Variants in SEPTIN3 observed in about 807,000 individuals in gnomAD.
SEPTIN3 encodes the protein septin 3.
Under a neutral mutation model 45.1 loss-of-function variants are expected in SEPTIN3, and 15 were observed. The ratio of observed to expected loss-of-function variants is 0.33; its 90% confidence interval spans 0.22 to 0.51. SEPTIN3 has a LOEUF of 0.51. Among genes scored for constraint, SEPTIN3 ranks in the 20% least tolerant of loss-of-function variants. The pLI is 0.97. For missense variants in SEPTIN3, 289 were observed against 457.2 expected, an observed-to-expected ratio of 0.63 and a Z score of 3.35; for synonymous variants, 148 against 164.8, an observed-to-expected ratio of 0.90 and a Z score of 0.78.
chr22:41,995,235 A>T, intron 11 of SEPTIN3: 6 of 992,934 alleles, frequency 6.0e-6, no homozygotes, highest in Non-Finnish European at 7.2e-6. Flanking sequence ...GGAGTTCAGG[A>T]CAACCCTCCT....
chr22:41,994,693 T>C lies in SEPTIN3; in HGVS notation c.2484T>C (p.Asn828=), dbSNP rs763701595. Residue 828 remains asparagine, a synonymous_variant, in exon 11 of 12, where the codon AAT becomes AAC. Coordinates refer to ENST00000644076, the MANE Select transcript of SEPTIN3 (RefSeq NM_001363845.2). This position sits in a 1 kb window ranked among gnomAD's most constrained non-coding sequence, Gnocchi z 4.2. ...AGACTTACAGGGCCAAGCGGCTCAA[T>C]GACAATGGAGGCCTCCCTCCGGTGA... ...HYETYRAKRL[N]DNGGLPPGEG... 3.7e-6 allele frequency: 6 copies of C among 1,613,996 alleles called. No homozygotes were observed. The East Asian group carries it at 1.1e-4, about 30-fold the overall frequency.
chr22:41,981,616 C>T, intron 2 of SEPTIN3, 29 bp from the exon 3 acceptor site: 1 of 1,590,236 alleles, frequency 6.3e-7, no homozygotes, highest in Non-Finnish European at 8.6e-7. Context: ...CTGATCACCC[C>T]TCCGACCCCT....
At chr22:41,985,530 T>A (rs2078191586) in intron 3 of SEPTIN3, 1 of 161,780 alleles carries the variant, frequency 6.2e-6, no homozygotes, top group Admixed American at 6.0e-5. Flanking sequence ...ATAGTTCTGC[T>A]TCAGGATCCA....
chr22:41,995,067 G>C, intron 11 of SEPTIN3: 1 of 1,135,244 alleles, frequency 8.8e-7, no homozygotes, highest in Non-Finnish European at 1.1e-6. Flanking sequence ...AAACAAAGCT[G>C]TTTGCCTCAC....
intron 2 of SEPTIN3, 45 bp downstream of exon 2, chr22:41,973,041 G>T (rs145625166): frequency 7.5e-6 from 3 of 398,624 alleles, no homozygotes; most frequent in Non-Finnish European, 1.3e-5. Context: ...CTGCCGGGAG[G>T]GGGAGGTGTG....
At chr22:41,995,653 C>T in intron 11 of SEPTIN3, 2 of 985,422 alleles carry the variant, frequency 2.0e-6, no homozygotes, top group Non-Finnish European at 2.4e-6. Flanking sequence ...TTTAGACTGC[C>T]TTTCACATAA....
rs756123152 is a variant in SEPTIN3, at chr22:41,990,552, T to C, written c.2163+868T>C. On this transcript the variant is annotated intron_variant, in intron 7 of 11. Coordinates refer to ENST00000644076, the MANE Select transcript of SEPTIN3 (RefSeq NM_001363845.2). ...CGAAGTCAGGAGATCAAGACCATCC[T>C]GGCTAACACGGTGAAACCCCGTCTC... is the stretch of plus-strand genomic sequence containing the variant. Among the ~76,000 whole-genome samples, 12 of 141,528 alleles carry C rather than the reference T, an allele frequency of 8.5e-5. No homozygotes were observed. In the East Asian group the frequency reaches 1.4e-3, roughly 17 times the overall value. The allele number at this position is 141,528 out of a possible 152,430, so 92.8% of individuals were successfully genotyped here.
Position 41,989,025 on chromosome 22 carries a change from C to A in SEPTIN3, c.2046-542C>A, listed in dbSNP as rs2078256039. Among the ~76,000 whole-genome samples the A allele has an allele frequency of 2.7e-5, 4 of 149,530 alleles. No homozygotes were observed. The South Asian group carries it at 8.5e-4, about 32-fold the overall frequency. The stretch of plus-strand genomic sequence containing the variant: ...ACTGTGGTCCCAGCTCCTCTGGAGG[C>A]TGAGGTGGGAGGATTGCTTGAGCCC... On this transcript the variant is annotated intron_variant, in intron 6 of 11. Coordinates refer to ENST00000644076, the MANE Select transcript of SEPTIN3 (RefSeq NM_001363845.2).
rs1369503495 is a variant in SEPTIN3 at position 41,976,731 on chromosome 22, C to T, written c.1504+3735C>T. The T allele has an allele frequency of 6.6e-6, 1 of 152,304 alleles. No individual in the cohort carries two copies. The highest frequency in any genetic ancestry group is 2.4e-5 in the African/African-American group (1 of 41,340). The allele number at this position is 152,304 out of a possible 1,614,324, so 9.4% of individuals were successfully genotyped here. A position where few individuals can be genotyped will look rare whatever the true frequency, so the allele number is the denominator to read the frequency against. ...CAGTTCCCGCTTGCGGGCGCGGGCG[C>T]CGCGGGAAGGGGAGGGGCCCTCGGC... On this transcript the variant is annotated intron_variant, in intron 2 of 11. Coordinates refer to ENST00000644076, the MANE Select transcript of SEPTIN3 (RefSeq NM_001363845.2). This position sits in a 1 kb window ranked among gnomAD's most constrained non-coding sequence, Gnocchi z 5.8.
Position 41,976,994 on chromosome 22 carries a change from C to G in SEPTIN3, c.1504+3998C>G, listed in dbSNP as rs1166429779. The stretch of plus-strand genomic sequence containing the variant: ...AGGGGCCGCTCGGCCCGGGGAAGCC[C>G]GCGCCCCGCTCAGCCTTGCAGCCCC... On this transcript the variant is annotated intron_variant, in intron 2 of 11. Coordinates refer to ENST00000644076, the MANE Select transcript of SEPTIN3 (RefSeq NM_001363845.2). This position sits in a 1 kb window ranked among gnomAD's most constrained non-coding sequence, Gnocchi z 5.8. 1.9e-5 allele frequency: 29 copies of G among 1,533,546 alleles called. No individual in the cohort carries two copies. In the South Asian group the frequency reaches 3.1e-4, roughly 16 times the overall value. 95.0% of individuals were successfully genotyped at this position (1,533,546 alleles called of 1,614,324 possible).
intron 3 of SEPTIN3, among the ~76,000 whole-genome samples, chr22:41,983,350 T>C (rs2078152120): frequency 2.0e-5 from 3 of 152,242 alleles, no homozygotes; most frequent in South Asian, 4.1e-4. Flanking sequence ...TGGGCCCCTA[T>C]GGGCCACACT....
intron 2 of SEPTIN3, among the ~76,000 whole-genome samples, chr22:41,974,384 G>C (rs1195627832): frequency 6.6e-6 from 1 of 151,904 alleles, no homozygotes; most frequent in Non-Finnish European, 1.5e-5. Flanking sequence ...GCCTGGCCAG[G>C]CCAGGCGTGG....
At position 41,976,914 on chromosome 22, in the gene SEPTIN3, G is replaced by A. The variant is rs1248997855; in HGVS notation, c.1504+3918G>A. On this transcript the variant is annotated intron_variant, in intron 2 of 11. Coordinates refer to ENST00000644076, the MANE Select transcript of SEPTIN3 (RefSeq NM_001363845.2). The surrounding 1 kb of genome is among the most constrained non-coding windows in gnomAD (Gnocchi z 5.8). ...GCGCGGGGCGCAGGGGCGGCGCGGC[G>A]GGGCCGCGGGCCGGGCGGGTGGGAG... is the stretch of plus-strand genomic sequence containing the variant. 1 of 366,400 alleles carries A rather than the reference G, an allele frequency of 2.7e-6. No homozygotes were observed. Among genetic ancestry groups the A allele is most frequent in the East Asian group, 1.0e-4 (1 of 10,044 alleles). 22.7% of individuals were successfully genotyped at this position (366,400 alleles called of 1,614,324 possible). A position where few individuals can be genotyped will look rare whatever the true frequency, so the allele number is the denominator to read the frequency against.
Position 41,997,857 on chromosome 22 carries a change from G to A in SEPTIN3, c.*890G>A, listed in dbSNP as rs142823307. The A allele has an allele frequency of 6.5e-6, 1 of 152,734 alleles. No individual in the cohort carries two copies. The highest frequency in any genetic ancestry group is 1.5e-5 in the Non-Finnish European group (1 of 68,050). 9.5% of individuals were successfully genotyped at this position (152,734 alleles called of 1,614,324 possible). ...GGCTAATGGAAAATACCCAAGGGAGGGCAAAGCCCCCCATCAGATGCATGA... is the reference window on the plus strand; with the variant it reads ...GGCTAATGGAAAATACCCAAGGGAGAGCAAAGCCCCCCATCAGATGCATGA... On this transcript the variant is annotated 3_prime_UTR_variant, in exon 12 of 12. Transcript: ENST00000644076.
rs1334530501 is a variant in SEPTIN3 at position 41,987,201 on chromosome 22, C to T, written c.1826-5C>T. On this transcript the variant is annotated splice_polypyrimidine_tract_variant and splice_region_variant and intron_variant, in intron 4 of 11. Transcript: ENST00000644076. The stretch of plus-strand genomic sequence containing the variant: ...CTCTCTGGTACATTTTCTTTTCACC[C>T]CCAGTGATAGAGGAAGGCGGTGTCA... The T allele has an allele frequency of 1.2e-6, 2 of 1,611,734 alleles. No homozygotes were observed. The highest frequency in any genetic ancestry group is 3.4e-5 in the Admixed American group (2 of 59,664).
intron 3 of SEPTIN3, among the ~76,000 whole-genome samples, chr22:41,983,997 A>C (rs5751195): frequency 0.43 from 64,918 of 151,940 alleles, 15,026 homozygotes; most frequent in East Asian, 0.85. Flanking sequence ...AGCATGGCAA[A>C]TCCAACACCC....
intron 2 of SEPTIN3, among the ~76,000 whole-genome samples, chr22:41,980,663 G>A (rs1256813415): frequency 6.6e-6 from 1 of 152,192 alleles, no homozygotes; most frequent in African/African-American, 2.4e-5. Flanking sequence ...CTGGTGGACA[G>A]TGGCCTGATA....
In SEPTIN3 at chr22:41,976,975, C is replaced by G; in HGVS notation, c.1504+3979C>G. On this transcript the variant is annotated intron_variant, in intron 2 of 11. Transcript: ENST00000644076. This position sits in a 1 kb window ranked among gnomAD's most constrained non-coding sequence, Gnocchi z 5.8. ...AGGGGCGAGGCCCGTTTGCAGGGGC[C>G]GCTCGGCCCGGGGAAGCCCGCGCCC... is the stretch of plus-strand genomic sequence containing the variant. 1 of 1,395,408 alleles carries G rather than the reference C, an allele frequency of 7.2e-7. No homozygotes were observed. The highest frequency in any genetic ancestry group is 9.6e-7 in the Non-Finnish European group (1 of 1,038,084). 86.4% of individuals were successfully genotyped at this position (1,395,408 alleles called of 1,614,324 possible). A position where few individuals can be genotyped will look rare whatever the true frequency, so the allele number is the denominator to read the frequency against.
Position 41,991,678 on chromosome 22 carries a change from TG to T in SEPTIN3, c.2259+14del. On this transcript the variant is annotated intron_variant, in intron 8 of 11. Transcript: ENST00000644076. Reference sequence around the variant, plus strand: ...GAATGACAAAATCAGGGTGGGTGCCTGGGGCACTGCTCCTCCACTGATGCCC... The same window carrying T: ...GAATGACAAAATCAGGGTGGGTGCCTGGGCACTGCTCCTCCACTGATGCCC... 6.4e-7 allele frequency: 1 copy of T among 1,571,202 alleles called. No homozygotes were observed. The highest frequency in any genetic ancestry group is 8.8e-7 in the Non-Finnish European group (1 of 1,140,912).
Sources: gnomAD v4.1 joint callset for allele counts (sites outside exome capture counted in the v4.1 genomes callset) on GRCh38, gnomAD v4.1.1 for gene constraint, Gnocchi (gnomAD v3.1) non-coding constraint, MANE v1.5 for transcripts, NCBI Gene and HGNC (gene_info 2026-07-23, HGNC 2026-07-21) for gene names.